RASGRF2: variants seen among roughly 807,000 people sequenced by gnomAD.
The protein encoded by RASGRF2 is Ras protein specific guanine nucleotide releasing factor 2.
In RASGRF2, 76 loss-of-function variants were observed where a neutral mutation model predicts 151.0. That is an observed-to-expected ratio of 0.50 (90% CI 0.42 to 0.61). RASGRF2 has a LOEUF of 0.61. Ranked by LOEUF, RASGRF2 falls within the 20% of genes least tolerant of loss-of-function variation. The pLI is 0.00. For synonymous variants in RASGRF2, 504 were observed against 566.5 expected (o/e 0.89, Z 1.57); for missense variants, 1,148 against 1,564.6 (o/e 0.73, Z 4.49).
intron 1 of RASGRF2, among the ~76,000 whole-genome samples, chr5:81,022,048 T>A (rs1477454162): frequency 6.6e-6 from 1 of 152,090 alleles, no homozygotes; most frequent in African/African-American, 2.4e-5. Context: ...CTTAAACGAT[T>A]CTTGAGCAAA....
At chr5:81,104,714 CAG>C (rs1449127456) in intron 12 of RASGRF2, among the ~76,000 whole-genome samples, 1 of 152,144 alleles carries the variant, frequency 6.6e-6, no homozygotes, top group African/African-American at 2.4e-5. Context: ...AAAAATGTCT[CAG>C]TGTGTCTCTT....
At chr5:81,205,713 A>T in intron 19 of RASGRF2, among the ~76,000 whole-genome samples, 1 of 152,112 alleles carries the variant, frequency 6.6e-6, no homozygotes, top group East Asian at 1.9e-4. Flanking sequence ...AGCAGAGTAC[A>T]TGGTTTGGGA....
intron 1 of RASGRF2, among the ~76,000 whole-genome samples, chr5:80,991,521 A>G (rs1222595479): frequency 1.3e-5 from 2 of 152,222 alleles, no homozygotes; most frequent in African/African-American, 4.8e-5. Flanking sequence ...CTCACTCAAC[A>G]GGACTTTGAC....
At chr5:80,981,308 A>G (rs1211186037) in intron 1 of RASGRF2, among the ~76,000 whole-genome samples, 1 of 152,172 alleles carries the variant, frequency 6.6e-6, no homozygotes, top group Admixed American at 6.5e-5. Context: ...TTTTCAGGTC[A>G]TGGTATCATG....
chr5:81,193,172 G>A (rs1755187070), intron 18 of RASGRF2, among the ~76,000 whole-genome samples: 1 of 152,148 alleles, frequency 6.6e-6, no homozygotes, highest in Non-Finnish European at 1.5e-5. Context: ...TTTTCCCAAT[G>A]TCCTAGAGTT....
chr5:81,048,939 G>A lies in RASGRF2; in HGVS notation c.395+5956G>A, dbSNP rs1580251687. 2.6e-5 allele frequency among the ~76,000 whole-genome samples: 4 copies of A among 151,898 alleles called. No homozygotes were observed. In the East Asian group the frequency reaches 5.8e-4, roughly 22 times the overall value. On this transcript the variant is annotated intron_variant, in intron 2 of 26. Coordinates refer to ENST00000265080, the MANE Select transcript of RASGRF2 (RefSeq NM_006909.3). ...GCTACTGTCTTCTCTTGCACATGCA[G>A]CCCGGCTTCTTGAAGAAATGGTTCG...
Position 81,073,382 on chromosome 5 carries a change from C to T in RASGRF2, c.817C>T (p.Leu273=). Residue 273 remains leucine, a synonymous_variant, in exon 5 of 27, where the codon CTG becomes TTG. Transcript: ENST00000265080. ...CCTGGTCAATGGCTTTCTCCGGCCC[C>T]TGCGTATGGCCGCCAGCTCCAAGAA... ...YILVNGFLRP[L]RMAASSKKPP... is the part of the protein sequence containing the mutation. 1 of 1,614,196 alleles carries T rather than the reference C, an allele frequency of 6.2e-7. No homozygotes were observed. The highest frequency in any genetic ancestry group is 8.5e-7 in the Non-Finnish European group (1 of 1,180,030).
At chr5:81,180,021 CG>C (rs1023779666) in intron 17 of RASGRF2, among the ~76,000 whole-genome samples, 153 bp from the exon 18 acceptor site, 12 of 152,150 alleles carry the variant, frequency 7.9e-5, no homozygotes, top group African/African-American at 2.9e-4. Context: ...AATAGGTGAG[CG>C]GAATTCACAA....
At chr5:81,137,132 G>A (rs1753773525) in intron 17 of RASGRF2, among the ~76,000 whole-genome samples, 2 of 151,496 alleles carry the variant, frequency 1.3e-5, no homozygotes, top group African/African-American at 2.4e-5. Flanking sequence ...AGTAGAAACT[G>A]TGCTTTAAGT....
At chr5:81,155,860 T>G (rs1321908937) in intron 17 of RASGRF2, among the ~76,000 whole-genome samples, 3 of 152,182 alleles carry the variant, frequency 2.0e-5, no homozygotes, top group Non-Finnish European at 4.4e-5. Context: ...TTAGGGAATT[T>G]GACTTAGGGC....
At chr5:81,128,208 A>C (rs1431036948) in intron 17 of RASGRF2, among the ~76,000 whole-genome samples, 1 of 152,142 alleles carries the variant, frequency 6.6e-6, no homozygotes, top group Non-Finnish European at 1.5e-5. Context: ...AGTTCTGGAG[A>C]TCAATTGTAC....
chr5:81,140,165 A>G (rs919194042), intron 17 of RASGRF2, among the ~76,000 whole-genome samples: 3 of 152,102 alleles, frequency 2.0e-5, no homozygotes, highest in Non-Finnish European at 2.9e-5. Context: ...CTGTACCTTA[A>G]TAGGCCTTGT....
intron 1 of RASGRF2, among the ~76,000 whole-genome samples, chr5:81,022,011 C>T (rs918505066): frequency 2.0e-5 from 3 of 152,114 alleles, no homozygotes; most frequent in Non-Finnish European, 4.4e-5. Flanking sequence ...TCAGCCATTC[C>T]ACTGGAATTC....
At chr5:81,159,347 A>C (rs986240050) in intron 17 of RASGRF2, among the ~76,000 whole-genome samples, 1 of 152,256 alleles carries the variant, frequency 6.6e-6, no homozygotes, top group African/African-American at 2.4e-5. Flanking sequence ...AAGCAGCAAC[A>C]GACAGTATAT....
At chr5:81,194,440 TTC>T (rs1755217330) in intron 18 of RASGRF2, among the ~76,000 whole-genome samples, 1 of 150,666 alleles carries the variant, frequency 6.6e-6, no homozygotes, top group African/African-American at 2.5e-5. Context: ...TTGTTTTTTG[TTC>T]TTTTTTTTTT....
chr5:81,030,101 G>GA (rs368998827), intron 1 of RASGRF2, among the ~76,000 whole-genome samples: 17,321 of 152,048 alleles, frequency 0.11, 1,248 homozygotes, highest in Non-Finnish European at 0.16. Flanking sequence ...GAAGTTTAGA[G>GA]AAAAAAGAGT....
At chr5:81,114,817 T>C (rs1411804914) in intron 15 of RASGRF2, 1 of 152,246 alleles carries the variant, frequency 6.6e-6, no homozygotes, top group African/African-American at 2.4e-5. Context: ...CTCACCTCCA[T>C]ACCCTCAGTG....
chr5:81,114,050 T>G (rs1753082491), intron 15 of RASGRF2, 130 bp downstream of exon 15: 15 of 1,227,772 alleles, frequency 1.2e-5, no homozygotes, highest in Non-Finnish European at 1.7e-5. Context: ...TAGAATGAGC[T>G]CAATGGTTAG....
chr5:80,997,954 G>A (rs1278377283), intron 1 of RASGRF2: 1 of 134,168 alleles, frequency 7.5e-6, no homozygotes, highest in Non-Finnish European at 1.6e-5. Flanking sequence ...GGGAGACAGA[G>A]CAAGACTCCG....
Sources: gnomAD v4.1 joint callset for allele counts (sites outside exome capture counted in the v4.1 genomes callset) on GRCh38, gnomAD v4.1.1 for gene constraint, MANE v1.5 for transcripts, NCBI Gene and HGNC (gene_info 2026-07-23, HGNC 2026-07-21) for gene names.